Variants in SRFBP1 observed in about 807,000 individuals in gnomAD.
The protein encoded by SRFBP1 is serum response factor binding protein 1.
Under a neutral mutation model 45.5 loss-of-function variants are expected in SRFBP1, and 47 were observed. That is an observed-to-expected ratio of 1.03 (90% CI 0.82 to 1.32). The LOEUF (loss-of-function observed/expected upper bound fraction) is 1.32, where lower values mean the gene tolerates loss of function less well. SRFBP1 is among the 40% of genes most tolerant of loss of function. SRFBP1 has a pLI of 0.00. For missense variants in SRFBP1, 621 were observed against 484.6 expected, an observed-to-expected ratio of 1.28 and a Z score of -2.64; for synonymous variants, 203 against 166.3, an observed-to-expected ratio of 1.22 and a Z score of -1.70.
intron 2 of SRFBP1, among the ~76,000 whole-genome samples, chr5:122,058,660 A>G (rs1250238528): frequency 6.6e-6 from 1 of 152,128 alleles, no homozygotes; most frequent in East Asian, 1.9e-4. Context: ...AAAAGCTAAC[A>G]CACTTCCCCT....
At chr5:122,025,272 C>T (rs1167047584) in intron 7 of SRFBP1, among the ~76,000 whole-genome samples, 1 of 152,168 alleles carries the variant, frequency 6.6e-6, no homozygotes, top group Admixed American at 6.5e-5. Flanking sequence ...TCATCCATGT[C>T]CCTACAAAGG....
chr5:122,017,366 G>A (rs1211723421), intron 4 of SRFBP1, among the ~76,000 whole-genome samples: 4 of 152,198 alleles, frequency 2.6e-5, no homozygotes, highest in African/African-American at 9.6e-5. Flanking sequence ...ACTGGTGGCT[G>A]ATGCCAGGAT....
intron 1 of SRFBP1, among the ~76,000 whole-genome samples, chr5:121,969,681 T>C (rs991904297): frequency 6.6e-6 from 1 of 152,136 alleles, no homozygotes; most frequent in Non-Finnish European, 1.5e-5. Flanking sequence ...GCTGGGTATG[T>C]AAGTCTTAAT....
At chr5:122,072,799 G>A (rs1002290247) in intron 2 of SRFBP1, among the ~76,000 whole-genome samples, 1 of 152,214 alleles carries the variant, frequency 6.6e-6, no homozygotes, top group African/African-American at 2.4e-5. Context: ...AGAAGGGGGG[G>A]AACCAGAAGT....
intron 3 of SRFBP1, among the ~76,000 whole-genome samples, chr5:121,992,285 C>T (rs1357877548): frequency 6.6e-6 from 1 of 152,044 alleles, no homozygotes; most frequent in African/African-American, 2.4e-5. Flanking sequence ...TTCATGGTGT[C>T]TTTCTCCATC....
chr5:122,022,609 T>C (rs1326327840), intron 7 of SRFBP1, among the ~76,000 whole-genome samples: 4 of 152,218 alleles, frequency 2.6e-5, no homozygotes, highest in Non-Finnish European at 5.9e-5. Flanking sequence ...GGGAAAGATA[T>C]AGACAAAATT....
intron 2 of SRFBP1, among the ~76,000 whole-genome samples, chr5:122,058,363 G>T (rs1173247330): frequency 2.0e-5 from 3 of 152,034 alleles, no homozygotes; most frequent in Non-Finnish European, 4.4e-5. Flanking sequence ...TACATAATTA[G>T]TTTTTTGGAT....
intron 3 of SRFBP1, among the ~76,000 whole-genome samples, chr5:121,986,965 C>T (rs560514413): frequency 6.6e-6 from 1 of 152,088 alleles, no homozygotes; most frequent in South Asian, 2.1e-4. Flanking sequence ...TAAATTAGAG[C>T]AGTTAGAGCA....
chr5:122,039,111 A>G (rs898151750), intron 2 of SRFBP1, among the ~76,000 whole-genome samples: 18 of 152,220 alleles, frequency 1.2e-4, no homozygotes, highest in Non-Finnish European at 2.2e-4. Flanking sequence ...CTAGTGAGAT[A>G]TCGTAACTAT....
intron 1 of SRFBP1, among the ~76,000 whole-genome samples, chr5:121,968,648 C>T (rs1752125313): frequency 1.3e-5 from 2 of 152,008 alleles, no homozygotes; most frequent in African/African-American, 2.4e-5. Context: ...TAGCCTTTTC[C>T]TATTGTTGAG....
intron 4 of SRFBP1, among the ~76,000 whole-genome samples, chr5:121,997,859 A>C (rs534397294): frequency 4.6e-5 from 7 of 150,740 alleles, no homozygotes; most frequent in Non-Finnish European, 1.0e-4. Flanking sequence ...GGCGAAGGAC[A>C]TGAACAGACA....
chr5:122,075,340 A>G (rs1754585376), exon 3 of SRFBP1: 2 of 1,402,238 alleles, frequency 1.4e-6, no homozygotes, highest in South Asian at 1.5e-5. Flanking sequence ...TGCATTTGTG[A>G]TATCAAAAAT....
chr5:122,051,493 T>C (rs1470160723), intron 2 of SRFBP1, among the ~76,000 whole-genome samples: 3 of 152,086 alleles, frequency 2.0e-5, no homozygotes, highest in Non-Finnish European at 4.4e-5. Flanking sequence ...TTAAACGCTT[T>C]ATCATTATGC....
chr5:122,052,697 C>T (rs1181479637), intron 2 of SRFBP1, among the ~76,000 whole-genome samples: 4 of 152,138 alleles, frequency 2.6e-5, no homozygotes, highest in Admixed American at 6.5e-5. Context: ...TCGACATTCT[C>T]CTCAACCTCA....
intron 3 of SRFBP1, among the ~76,000 whole-genome samples, chr5:121,986,709 G>A (rs1488071980): frequency 4.6e-5 from 7 of 151,890 alleles, no homozygotes; most frequent in African/African-American, 1.7e-4. Flanking sequence ...ATTATCACAG[G>A]GTTTATACTT....
chr5:121,964,545 A>G (rs1752022425), intron 1 of SRFBP1, among the ~76,000 whole-genome samples: 1 of 152,204 alleles, frequency 6.6e-6, no homozygotes, highest in South Asian at 2.1e-4. Flanking sequence ...ATGGCTGCAT[A>G]GTATTCCATG....
At chr5:122,047,344 A>G (rs1390215170) in intron 2 of SRFBP1, among the ~76,000 whole-genome samples, 1 of 152,204 alleles carries the variant, frequency 6.6e-6, no homozygotes, top group Non-Finnish European at 1.5e-5. Context: ...TTTGTCAAAC[A>G]TCAGATGGTT....
chr5:121,987,297 A>G (rs1166540392), intron 3 of SRFBP1, among the ~76,000 whole-genome samples: 1 of 152,160 alleles, frequency 6.6e-6, no homozygotes, highest in Non-Finnish European at 1.5e-5. Flanking sequence ...CTAGCAGCAG[A>G]GGATTGAGAT....
In SRFBP1 at chr5:122,020,290, G is replaced by A. The variant is rs777565188; in HGVS notation, c.555G>A (p.Lys185=). 5 of 1,610,436 alleles carry A rather than the reference G, an allele frequency of 3.1e-6. No individual in the cohort carries two copies. The highest frequency in any genetic ancestry group is 2.2e-5 in the East Asian group (1 of 44,866). The change falls in exon 6 of 8, where the codon AAG becomes AAA. Residue 185 remains lysine, a synonymous_variant. Coordinates refer to ENST00000339397, the MANE Select transcript of SRFBP1 (RefSeq NM_152546.3). ...ILAKKPIHNS[K]EKIAKMEHGP... is the part of the protein sequence containing the mutation. ...CGAAGAAACCAATACATAATTCAAA[G>A]GAAAAAATAGCAAAGATGGAACATG...
Sources: allele counts gnomAD v4.1 joint callset (sites outside exome capture counted in the v4.1 genomes callset), GRCh38; gene constraint gnomAD v4.1.1; transcripts MANE v1.5; gene names NCBI Gene and HGNC (gene_info 2026-07-23, HGNC 2026-07-21).